Variants in EYS observed in about 807,000 individuals in gnomAD.
EYS encodes protein eyes shut homolog.
EYS carries 250 observed loss-of-function variants against 282.1 expected under a neutral mutation model. The observed-to-expected ratio is 0.89, with a 90% CI of 0.80 to 0.98. The LOEUF (loss-of-function observed/expected upper bound fraction) is 0.98. Among genes scored for constraint, EYS ranks in the 50% least tolerant of loss-of-function variants. EYS has a pLI of 0.00. For missense variants in EYS, 4,016 were observed against 3,709.0 expected (o/e 1.08, Z -2.15); for synonymous variants, 1,355 against 1,282.9 (o/e 1.06, Z -1.20).
intron 26 of EYS, among the ~76,000 whole-genome samples, chr6:64,443,594 G>A (rs528232452): frequency 6.6e-6 from 1 of 152,316 alleles, no homozygotes; most frequent in Non-Finnish European, 1.5e-5. Context: ...CCTGGTGAGA[G>A]ATGATTGAAT....
At chr6:65,170,449 G>A (rs965919619) in intron 12 of EYS, among the ~76,000 whole-genome samples, 1 of 151,516 alleles carries the variant, frequency 6.6e-6, no homozygotes, top group African/African-American at 2.4e-5. Context: ...TGAAAGCATG[G>A]CCAAATGATC....
rs1382856490 is a variant in EYS, at chr6:65,534,227, C to T, written c.-332-38234G>A. ...CTGGCTTTGTGAGAGAGGCATGATG[C>T]TGCGTGCTATCTAGATTTTTAAAAG... On this transcript the variant is annotated intron_variant, in intron 2 of 42. Coordinates refer to ENST00000503581, the MANE Select transcript of EYS (RefSeq NM_001142800.2). Among the ~76,000 whole-genome samples the T allele has an allele frequency of 3.3e-5, 5 of 152,074 alleles. 1 individual carries two copies. Among genetic ancestry groups the T allele is most frequent in the Non-Finnish European group, 5.9e-5 (4 of 68,024 alleles).
intron 2 of EYS, among the ~76,000 whole-genome samples, chr6:65,609,614 T>G (rs749610938): frequency 2.6e-4 from 40 of 152,214 alleles, no homozygotes; most frequent in Admixed American, 9.2e-4. Flanking sequence ...CACCTGGCAG[T>G]GTATTATAAT....
chr6:64,095,023 T>C (rs542430577), intron 31 of EYS, among the ~76,000 whole-genome samples: 143 of 152,334 alleles, frequency 9.4e-4, no homozygotes, highest in Non-Finnish European at 1.5e-3. Context: ...CCAGTAGTCA[T>C]TCAGGAGCAG....
intron 36 of EYS, among the ~76,000 whole-genome samples, chr6:63,846,394 C>T (rs763442893): frequency 6.6e-6 from 1 of 152,296 alleles, no homozygotes; most frequent in Non-Finnish European, 1.5e-5. Context: ...GACAGCTCTT[C>T]TTTCTCCAGA....
intron 31 of EYS, among the ~76,000 whole-genome samples, chr6:64,082,748 T>A (rs140126116): frequency 1.6e-4 from 25 of 152,250 alleles, no homozygotes; most frequent in African/African-American, 6.0e-4. Flanking sequence ...TTTTAAATAA[T>A]CTCACAAAAT....
chr6:63,963,604 T>A (rs1399807329), intron 35 of EYS, among the ~76,000 whole-genome samples: 1 of 152,144 alleles, frequency 6.6e-6, no homozygotes, highest in African/African-American at 2.4e-5. Flanking sequence ...GACAGCTTAT[T>A]GCAAATGTTG....
At chr6:65,287,562 A>C (rs972540295) in intron 12 of EYS, among the ~76,000 whole-genome samples, 1 of 151,548 alleles carries the variant, frequency 6.6e-6, no homozygotes, top group East Asian at 1.9e-4. Flanking sequence ...ATAATTATGC[A>C]AACAATGTTT....
chr6:65,174,336 G>T (rs1411399632), intron 12 of EYS, among the ~76,000 whole-genome samples: 2 of 151,080 alleles, frequency 1.3e-5, no homozygotes, highest in East Asian at 2.0e-4. Context: ...ATTAAACTAA[G>T]CACAAGATAC....
chr6:65,155,705 T>A (rs1764714515), intron 12 of EYS, among the ~76,000 whole-genome samples: 1 of 151,556 alleles, frequency 6.6e-6, no homozygotes, highest in African/African-American at 2.4e-5. Context: ...CCTCAGTTAT[T>A]TATTCAACAG....
chr6:64,666,961 C>T (rs1769253194), intron 22 of EYS, among the ~76,000 whole-genome samples: 2 of 152,020 alleles, frequency 1.3e-5, no homozygotes, highest in Admixed American at 1.3e-4. Flanking sequence ...CCCTGGAGAT[C>T]AATGGGCAGA....
At chr6:64,969,096 A>C (rs1273658585) in intron 14 of EYS, among the ~76,000 whole-genome samples, 1 of 152,168 alleles carries the variant, frequency 6.6e-6, no homozygotes, top group Non-Finnish European at 1.5e-5. Flanking sequence ...GCGTGAAAAA[A>C]AAAAAAATCT....
At chr6:64,534,481 A>G (rs1764456560) in intron 26 of EYS, among the ~76,000 whole-genome samples, 1 of 152,124 alleles carries the variant, frequency 6.6e-6, no homozygotes. Flanking sequence ...TAATCATTCA[A>G]TAAATAAGCC....
At chr6:65,280,451 T>C (rs770505395) in intron 12 of EYS, among the ~76,000 whole-genome samples, 2 of 152,200 alleles carry the variant, frequency 1.3e-5, no homozygotes, top group Non-Finnish European at 2.9e-5. Flanking sequence ...AAATTATTAA[T>C]AGTGAAGTTA....
At chr6:65,595,044 C>T (rs930344920) in intron 2 of EYS, among the ~76,000 whole-genome samples, 19 of 152,086 alleles carry the variant, frequency 1.2e-4, no homozygotes, top group African/African-American at 4.6e-4. Context: ...GGTACCAGTA[C>T]CATGCTGTTT....
chr6:64,209,476 T>G (rs146947392), intron 31 of EYS, among the ~76,000 whole-genome samples: 339 of 152,302 alleles, frequency 2.2e-3, no homozygotes, highest in African/African-American at 7.6e-3. Flanking sequence ...AATATACAAT[T>G]CTGAGTTCTT....
chr6:64,377,189 GA>G (rs1003073594), intron 29 of EYS, among the ~76,000 whole-genome samples: 2 of 151,826 alleles, frequency 1.3e-5, no homozygotes, highest in East Asian at 1.9e-4. Context: ...TTATCTCATT[GA>G]AAAAAAGCAT....
intron 29 of EYS, among the ~76,000 whole-genome samples, chr6:64,340,957 G>C (rs1377280198): frequency 6.6e-6 from 1 of 151,726 alleles, no homozygotes; most frequent in Non-Finnish European, 1.5e-5. Flanking sequence ...ACAAACATCT[G>C]AAAAAATGCT....
intron 41 of EYS, among the ~76,000 whole-genome samples, chr6:63,740,344 C>G (rs914545887): frequency 2.0e-5 from 3 of 152,186 alleles, no homozygotes; most frequent in Admixed American, 2.0e-4. Context: ...TTGCTTGCCA[C>G]CATCCATGTA....
Sources: gnomAD v4.1 joint callset for allele counts (sites outside exome capture counted in the v4.1 genomes callset) on GRCh38, gnomAD v4.1.1 for gene constraint, MANE v1.5 for transcripts, NCBI Gene and HGNC (gene_info 2026-07-23, HGNC 2026-07-21) for gene names.